The following SPAG9 variants were observed in gnomAD, a reference collection of about 807,000 sequenced individuals.
The protein encoded by SPAG9 is sperm associated antigen 9, also known as C-Jun-amino-terminal kinase-interacting protein 4.
SPAG9 carries 35 observed loss-of-function variants against 166.5 expected under a neutral mutation model. The observed-to-expected ratio is 0.21, with a 90% confidence interval of 0.16 to 0.28. The LOEUF is 0.28. Among genes scored for constraint, SPAG9 ranks in the 10% least tolerant of loss-of-function variants. The pLI, the probability that SPAG9 is intolerant of heterozygous loss-of-function variation, is 1.00. For missense variants in SPAG9, 1,235 were observed against 1,603.3 expected (o/e 0.77, Z 3.92); for synonymous variants, 534 against 565.5 (o/e 0.94, Z 0.79).
At chr17:51,020,321 C>G in intron 7 of SPAG9, 63 bp from the exon 8 acceptor site, 1 of 1,150,636 alleles carries the variant, frequency 8.7e-7, no homozygotes, top group Non-Finnish European at 1.3e-6. Context: ...ATATAAAAAT[C>G]CTGTTGTTTT....
chr17:51,092,395 GTA>G (rs1488851432), intron 1 of SPAG9, among the ~76,000 whole-genome samples: 11 of 152,046 alleles, frequency 7.2e-5, no homozygotes, highest in Non-Finnish European at 1.2e-4. Flanking sequence ...AAGTATAAAT[GTA>G]TAGACTCTCT....
chr17:51,010,547 C>T (rs964233355), intron 9 of SPAG9, among the ~76,000 whole-genome samples: 11 of 139,658 alleles, frequency 7.9e-5, no homozygotes, highest in African/African-American at 3.0e-4. Context: ...GAGGATGTAT[C>T]ACTTAAGCAA....
chr17:51,096,967 C>T (rs964893435), intron 1 of SPAG9, among the ~76,000 whole-genome samples: 1 of 152,192 alleles, frequency 6.6e-6, no homozygotes, highest in Non-Finnish European at 1.5e-5. Flanking sequence ...GGGAGCTGGT[C>T]ATTGGAAAGA....
chr17:51,103,599 T>C (rs1321920736), intron 1 of SPAG9, among the ~76,000 whole-genome samples: 1 of 152,186 alleles, frequency 6.6e-6, no homozygotes, highest in Admixed American at 6.6e-5. Flanking sequence ...AGGTCTTGTA[T>C]GTTAGGAACT....
At chr17:51,036,722 C>T (rs966414861) in intron 5 of SPAG9, among the ~76,000 whole-genome samples, 3 of 152,116 alleles carry the variant, frequency 2.0e-5, no homozygotes, top group Non-Finnish European at 4.4e-5. Flanking sequence ...TGACTCTCTA[C>T]ACCAGGCTAC....
intron 8 of SPAG9, among the ~76,000 whole-genome samples, chr17:51,017,350 T>A (rs2045743000): frequency 4.6e-5 from 7 of 152,178 alleles, no homozygotes; most frequent in Admixed American, 2.6e-4. Flanking sequence ...CATGTTATTT[T>A]AGATACCTGA....
At chr17:51,062,301 T>C (rs2047539773) in intron 2 of SPAG9, among the ~76,000 whole-genome samples, 1 of 152,172 alleles carries the variant, frequency 6.6e-6, no homozygotes, top group Non-Finnish European at 1.5e-5. Context: ...AATATATCAA[T>C]TACATTAGGG....
At chr17:51,065,104 C>T (rs1435653942) in intron 2 of SPAG9, among the ~76,000 whole-genome samples, 2 of 152,058 alleles carry the variant, frequency 1.3e-5, no homozygotes, top group African/African-American at 2.4e-5. Flanking sequence ...GCCTGGGCAA[C>T]TAGAACAAAA....
At chr17:51,019,268 T>C (rs575736528) in intron 8 of SPAG9, among the ~76,000 whole-genome samples, 7 of 152,190 alleles carry the variant, frequency 4.6e-5, no homozygotes, top group Non-Finnish European at 8.8e-5. Context: ...TTCTGTTCTT[T>C]ATAAATTGGC....
At chr17:51,100,739 G>A (rs2048785482) in intron 1 of SPAG9, among the ~76,000 whole-genome samples, 1 of 152,002 alleles carries the variant, frequency 6.6e-6, no homozygotes, top group Admixed American at 6.6e-5. Flanking sequence ...GACTAACATG[G>A]AGAAACCCCC....
Position 50,970,735 on chromosome 17 carries a change from T to TCCAC in SPAG9, c.3818_3821dup (p.Gly1275TrpfsTer12). 6.2e-7 allele frequency: 1 copy of TCCAC among 1,613,826 alleles called. No individual in the cohort carries two copies. Among genetic ancestry groups the TCCAC allele is most frequent in the Non-Finnish European group, 8.5e-7 (1 of 1,179,890 alleles). ...TTCGGAAGTCGATGTAGCCCTCTCC[T>TCCAC]CCACTGATGACAAGCATAGACTTCA... On this transcript the variant is annotated frameshift_variant, in exon 29 of 30. Coordinates refer to ENST00000262013, the MANE Select transcript of SPAG9 (RefSeq NM_001130528.3). LOFTEE classifies it high-confidence loss of function.
chr17:51,118,589 A>AT (rs2049369544), intron 1 of SPAG9, among the ~76,000 whole-genome samples: 1 of 152,228 alleles, frequency 6.6e-6, no homozygotes, highest in Non-Finnish European at 1.5e-5. Flanking sequence ...TTCCATGTAT[A>AT]TCCACACACT....
rs140067607 is a variant in SPAG9, at chr17:51,006,970, T to G, written c.1271+299A>C. ...ATGTTAAGGGAGGGAGCAAAAAAAG[T>G]GTAAAACCAGGACAAATTTAGAAGA... is the stretch of plus-strand genomic sequence containing the variant. On this transcript the variant is annotated intron_variant, in intron 10 of 29. Transcript: ENST00000262013. Among the ~76,000 whole-genome samples, 67 of 152,174 alleles carry G rather than the reference T, an allele frequency of 4.4e-4. No homozygotes were observed. In the East Asian group the frequency reaches 0.011, roughly 24 times the overall value.
At chr17:51,093,111 A>G (rs1198905363) in intron 1 of SPAG9, among the ~76,000 whole-genome samples, 1 of 151,466 alleles carries the variant, frequency 6.6e-6, no homozygotes, top group Non-Finnish European at 1.5e-5. Flanking sequence ...ATAGTGGCTC[A>G]TGCTTGTAAT....
At chr17:51,014,110 TA>T in intron 9 of SPAG9, 121 bp downstream of exon 9, 1 of 765,314 alleles carries the variant, frequency 1.3e-6, no homozygotes, top group African/African-American at 1.8e-5. Context: ...AATAATTACC[TA>T]AAAGGGCAAT....
intron 2 of SPAG9, among the ~76,000 whole-genome samples, chr17:51,061,674 T>C (rs192838558): frequency 2.2e-4 from 32 of 146,876 alleles, no homozygotes; most frequent in Admixed American, 2.0e-3. Context: ...GAATATACCA[T>C]TAATTTTGGG....
At chr17:51,012,771 G>A (rs1415000525) in intron 9 of SPAG9, among the ~76,000 whole-genome samples, 2 of 140,948 alleles carry the variant, frequency 1.4e-5, no homozygotes, top group Admixed American at 7.3e-5. Flanking sequence ...TTTATGAGAC[G>A]GGATCTGGCT....
intron 19 of SPAG9, 99 bp downstream of exon 19, chr17:50,993,665 T>G (rs1050054563): frequency 9.5e-6 from 11 of 1,153,224 alleles, no homozygotes; most frequent in Non-Finnish European, 1.2e-5. Flanking sequence ...ATAAGCTTCA[T>G]GACAGCAAGG....
Position 51,041,565 on chromosome 17 carries a change from G to T in SPAG9, c.677C>A (p.Thr226Asn). The part of the protein sequence containing the change: ...LTPDAQKGGE[T>N]PGSEQWKFQE... Reference sequence around the variant, plus strand: ...AAATTTCCATTGCTCAGATCCAGGGGTCTCTCCTCCTTTCTGAGCATCAGG... The same window carrying T: ...AAATTTCCATTGCTCAGATCCAGGGTTCTCTCCTCCTTTCTGAGCATCAGG... Residue 226 changes from threonine (T) to asparagine (N), a missense_variant, in exon 5 of 30, where the codon ACC becomes AAC. By Grantham distance (65) the Thr-to-Asn change is moderately conservative (BLOSUM62 0). Transcript: ENST00000262013. 1 of 1,613,868 alleles carries T rather than the reference G, an allele frequency of 6.2e-7. No homozygotes were observed. The highest frequency in any genetic ancestry group is 2.2e-5 in the East Asian group (1 of 44,864).
Sources: allele counts gnomAD v4.1 joint callset (sites outside exome capture counted in the v4.1 genomes callset), GRCh38; gene constraint gnomAD v4.1.1; transcripts MANE v1.5; gene names NCBI Gene and HGNC (gene_info 2026-07-23, HGNC 2026-07-21).